Variants in TRPC4AP observed in about 807,000 individuals in gnomAD.
The protein encoded by TRPC4AP is short transient receptor potential channel 4-associated protein.
In TRPC4AP, 45 loss-of-function variants were observed where a neutral mutation model predicts 99.0. The observed-to-expected ratio is 0.45, with a 90% CI of 0.36 to 0.58. The LOEUF is 0.58. Ranked by LOEUF, TRPC4AP falls within the 20% of genes least tolerant of loss-of-function variation. TRPC4AP has a pLI of 0.00. For synonymous variants in TRPC4AP, 408 were observed against 385.8 expected, an observed-to-expected ratio of 1.06 and a Z score of -0.67; for missense variants, 879 against 985.3, an observed-to-expected ratio of 0.89 and a Z score of 1.44.
At chr20:35,010,822 G>T (rs2082618505) in intron 11 of TRPC4AP, among the ~76,000 whole-genome samples, 1 of 152,120 alleles carries the variant, frequency 6.6e-6, no homozygotes, top group Non-Finnish European at 1.5e-5. Context: ...TGCCAAAAGT[G>T]ATCTTCAGAA....
chr20:35,088,070 A>G (rs554771991), intron 1 of TRPC4AP, among the ~76,000 whole-genome samples: 1 of 152,352 alleles, frequency 6.6e-6, no homozygotes, highest in African/African-American at 2.4e-5. Context: ...GGAAACAGAA[A>G]CTTAGGATCC....
intron 5 of TRPC4AP, among the ~76,000 whole-genome samples, chr20:35,054,497 G>C (rs577358357): frequency 6.6e-6 from 1 of 152,126 alleles, no homozygotes; most frequent in African/African-American, 2.4e-5. Flanking sequence ...CTAACACTAA[G>C]TGCCATCCTC....
At chr20:35,067,011 T>C (rs1291878423) in intron 3 of TRPC4AP, among the ~76,000 whole-genome samples, 1 of 152,154 alleles carries the variant, frequency 6.6e-6, no homozygotes, top group Non-Finnish European at 1.5e-5. Flanking sequence ...AAAGAACTCT[T>C]ACAACACAAT....
At chr20:35,037,346 CAAAAA>C (rs71196778) in intron 7 of TRPC4AP, among the ~76,000 whole-genome samples, 4 of 78,964 alleles carry the variant, frequency 5.1e-5, no homozygotes, top group Admixed American at 1.5e-4. Flanking sequence ...GACTCTGTCT[CAAAAA>C]AAAAAAAAAA....
chr20:35,014,126 C>T (rs995282189), intron 10 of TRPC4AP, among the ~76,000 whole-genome samples: 10 of 152,208 alleles, frequency 6.6e-5, no homozygotes, highest in Middle Eastern at 3.4e-3. Flanking sequence ...GCTGGGATTA[C>T]GGGTGTGAGC....
intron 1 of TRPC4AP, among the ~76,000 whole-genome samples, chr20:35,083,338 A>C (rs6120825): frequency 0.19 from 29,020 of 151,882 alleles, 2,858 homozygotes; most frequent in Middle Eastern, 0.34. Context: ...AGTGGTTCAC[A>C]CTTGTAATCC....
chr20:35,052,000 G>A (rs2083711005), intron 5 of TRPC4AP, among the ~76,000 whole-genome samples: 1 of 151,920 alleles, frequency 6.6e-6, no homozygotes, highest in Non-Finnish European at 1.5e-5. Flanking sequence ...CTTAACTGAG[G>A]CCAAAAAGCA....
At chr20:35,045,600 G>A (rs964496944) in intron 6 of TRPC4AP, among the ~76,000 whole-genome samples, 3 of 151,308 alleles carry the variant, frequency 2.0e-5, no homozygotes, top group Admixed American at 1.3e-4. Flanking sequence ...GTGCAGTGGC[G>A]CAATCTTGAC....
chr20:35,048,568 C>T (rs2147371834), intron 6 of TRPC4AP, among the ~76,000 whole-genome samples: 1 of 152,274 alleles, frequency 6.6e-6, no homozygotes, highest in East Asian at 1.9e-4. Context: ...TTGTTGGTTA[C>T]CTGAATTCAA....
intron 1 of TRPC4AP, among the ~76,000 whole-genome samples, chr20:35,090,237 C>A (rs529281558): frequency 1.3e-5 from 2 of 151,508 alleles, no homozygotes; most frequent in East Asian, 1.9e-4. Flanking sequence ...CCCATTTTAT[C>A]CTCACTATAG....
At chr20:35,092,311 C>T (rs540097098) in intron 1 of TRPC4AP, among the ~76,000 whole-genome samples, 3 of 152,298 alleles carry the variant, frequency 2.0e-5, no homozygotes, top group South Asian at 2.1e-4. Flanking sequence ...ACGACAGGGT[C>T]CCCCAGACGT....
At chr20:35,050,107 G>A (rs2083658987) in intron 5 of TRPC4AP, 113 bp from the exon 6 acceptor site, 1 of 1,191,846 alleles carries the variant, frequency 8.4e-7, no homozygotes. Context: ...ACTGGCATGA[G>A]TCAACAAAAC....
At chr20:35,013,152 T>C in intron 10 of TRPC4AP, 86 bp from the exon 11 acceptor site, 1 of 1,291,868 alleles carries the variant, frequency 7.7e-7, no homozygotes, top group Non-Finnish European at 1.1e-6. Flanking sequence ...GGGAGCCTGC[T>C]TCTCTAAGCC....
intron 1 of TRPC4AP, among the ~76,000 whole-genome samples, chr20:35,083,730 G>T (rs1429289763): frequency 6.8e-6 from 1 of 146,668 alleles, no homozygotes; most frequent in Non-Finnish European, 1.5e-5. Flanking sequence ...AAAAAAAAAA[G>T]TTACCTCCCA....
chr20:35,019,653 C>A (rs1421685548), intron 9 of TRPC4AP, among the ~76,000 whole-genome samples: 1 of 152,182 alleles, frequency 6.6e-6, no homozygotes, highest in Non-Finnish European at 1.5e-5. Flanking sequence ...AATTATTTCA[C>A]ATATAAGCAA....
chr20:35,057,799 C>T (rs1046573301), intron 3 of TRPC4AP, among the ~76,000 whole-genome samples: 17 of 152,136 alleles, frequency 1.1e-4, no homozygotes, highest in Non-Finnish European at 2.2e-4. Context: ...TCAGCTTTCT[C>T]ATTTTTGAAA....
At chr20:35,038,406 CACTT>C (rs951504725) in intron 7 of TRPC4AP, among the ~76,000 whole-genome samples, 11 of 152,012 alleles carry the variant, frequency 7.2e-5, no homozygotes, top group African/African-American at 1.7e-4. Context: ...AATTTGTCAA[CACTT>C]ACCAATTTCC....
At chr20:35,049,834 C>T (rs1170104875) in intron 6 of TRPC4AP, 32 bp downstream of exon 6, 1 of 1,593,104 alleles carries the variant, frequency 6.3e-7, no homozygotes, top group African/African-American at 1.3e-5. Flanking sequence ...AGACACCCTT[C>T]CCCATCTGGT....
chr20:35,037,864 G>A (rs1968575758), intron 7 of TRPC4AP, among the ~76,000 whole-genome samples: 1 of 152,096 alleles, frequency 6.6e-6, no homozygotes, highest in Non-Finnish European at 1.5e-5. Context: ...TGCTGTACAG[G>A]TTTGCAGCCT....
Sources: gnomAD v4.1 joint callset for allele counts (sites outside exome capture counted in the v4.1 genomes callset) on GRCh38, gnomAD v4.1.1 for gene constraint, MANE v1.5 for transcripts, NCBI Gene and HGNC (gene_info 2026-07-23, HGNC 2026-07-21) for gene names.